GFRA2: variants seen among roughly 807,000 people sequenced by gnomAD.
The protein encoded by GFRA2 is GDNF family receptor alpha-2.
In GFRA2, 17 loss-of-function variants were observed where a neutral mutation model predicts 48.3. The ratio of observed to expected loss-of-function variants is 0.35; its 90% CI spans 0.24 to 0.53. The LOEUF (loss-of-function observed/expected upper bound fraction) is 0.53, where lower values mean the gene tolerates loss of function less well. Among genes scored for constraint, GFRA2 ranks in the 20% least tolerant of loss-of-function variants. GFRA2 has a pLI of 0.93. For synonymous variants in GFRA2, 305 were observed against 257.2 expected (o/e 1.19, Z -1.78); for missense variants, 660 against 637.3 (o/e 1.04, Z -0.38).
At chr8:21,742,861 T>C (rs893214707) in intron 4 of GFRA2, among the ~76,000 whole-genome samples, 14 of 152,170 alleles carry the variant, frequency 9.2e-5, no homozygotes, top group African/African-American at 3.1e-4. Flanking sequence ...CCACCTGGGG[T>C]GTGAGCCTCT....
At chr8:21,701,170 G>A (rs2117348045) in intron 7 of GFRA2, among the ~76,000 whole-genome samples, 1 of 152,322 alleles carries the variant, frequency 6.6e-6, no homozygotes, top group African/African-American at 2.4e-5. Context: ...CGAGGCGGGT[G>A]GATCACAAGC....
At chr8:21,726,862 C>T (rs1339541809) in intron 4 of GFRA2, among the ~76,000 whole-genome samples, 1 of 151,288 alleles carries the variant, frequency 6.6e-6, no homozygotes, top group Non-Finnish European at 1.5e-5. Context: ...AAGCAATTCT[C>T]CTGCCTCAGC....
intron 2 of GFRA2, among the ~76,000 whole-genome samples, chr8:21,804,366 T>A (rs929819935): frequency 6.6e-6 from 1 of 151,748 alleles, no homozygotes. Context: ...AATAGAAATA[T>A]CTATTATCTA....
At chr8:21,694,576 G>C in intron 7 of GFRA2, 59 bp from the exon 8 acceptor site, 1 of 1,530,140 alleles carries the variant, frequency 6.5e-7, no homozygotes, top group African/African-American at 1.4e-5. Context: ...GCTGGGCTTT[G>C]TCCAGAGACT....
chr8:21,701,902 T>G, intron 7 of GFRA2, among the ~76,000 whole-genome samples: 1 of 152,132 alleles, frequency 6.6e-6, no homozygotes, highest in East Asian at 1.9e-4. Flanking sequence ...TTGGACCTTA[T>G]GACCACAAGG....
intron 7 of GFRA2, among the ~76,000 whole-genome samples, chr8:21,699,193 A>G (rs1419167763): frequency 6.6e-6 from 1 of 152,208 alleles, no homozygotes; most frequent in African/African-American, 2.4e-5. Context: ...GAATGAATGC[A>G]CTGACCGGTC....
At chr8:21,791,875 G>A (rs1015557743), upstream of GFRA2, among the ~76,000 whole-genome samples, 115 of 152,342 alleles carry the variant, frequency 7.5e-4, 1 homozygote, top group African/African-American at 2.5e-3. Context: ...AGCAGCTGTC[G>A]TAAGAGGTAG....
At position 21,782,732 on chromosome 8, in the gene GFRA2, T is replaced by C; in HGVS notation, c.208A>G (p.Asn70Asp). Residue 70 changes from asparagine to aspartate, a missense_variant, in exon 2 of 9, where the codon AAC (asparagine) becomes GAC (aspartate). Coordinates refer to ENST00000524240, the MANE Select transcript of GFRA2 (RefSeq NM_001495.5). ...CACTCCTTGTTGGCCAGCATGGTGT[T>C]GCGGTCGCGGCCTGCCAGGCACTGC... is the stretch of plus-strand genomic sequence containing the variant. ...LRQCLAGRDR[N>D]TMLANKECQA... The C allele has an allele frequency of 6.3e-7, 1 of 1,597,676 alleles. No homozygotes were observed. The highest frequency in any genetic ancestry group is 8.5e-7 in the Non-Finnish European group (1 of 1,172,888).
chr8:21,695,125 G>A (rs140178973), intron 7 of GFRA2, among the ~76,000 whole-genome samples: 24 of 152,316 alleles, frequency 1.6e-4, no homozygotes, highest in East Asian at 3.9e-4. Context: ...TGTCCTACAC[G>A]GATGTGCACA....
At chr8:21,765,605 C>G (rs1212515950) in intron 3 of GFRA2, among the ~76,000 whole-genome samples, 2 of 152,040 alleles carry the variant, frequency 1.3e-5, no homozygotes, top group East Asian at 3.9e-4. Context: ...TAAACACTGT[C>G]TATATGCTAA....
In GFRA2 at chr8:21,751,729, T is replaced by G. The variant is rs767085020; in HGVS notation, c.440-787A>C. On this transcript the variant is annotated intron_variant, in intron 3 of 8. Coordinates refer to ENST00000524240, the MANE Select transcript of GFRA2 (RefSeq NM_001495.5). ...GGTAGGCTGAGGTCACACGTCCCTCTCACGTGGGCCAGGTGACTGACTGAC... is the reference window on the plus strand; with the variant it reads ...GGTAGGCTGAGGTCACACGTCCCTCGCACGTGGGCCAGGTGACTGACTGAC... Among the ~76,000 whole-genome samples, 21 of 152,184 alleles carry G rather than the reference T, an allele frequency of 1.4e-4. 2 individuals carry two copies. The highest frequency in any genetic ancestry group is 8.3e-4 in the South Asian group (4 of 4,828).
chr8:21,782,537 T>TGCCTGCGCCACACCCCCTCCCC, intron 2 of GFRA2, 48 bp downstream of exon 2: 1 of 1,418,724 alleles, frequency 7.0e-7, no homozygotes, highest in Non-Finnish European at 9.6e-7. Context: ...ACGTCCTCTC[T>TGCCTGCGCCACACCCCCTCCCC]GCCTGCGCCA....
At chr8:21,768,082 G>A (rs1806268186) in intron 3 of GFRA2, among the ~76,000 whole-genome samples, 1 of 152,072 alleles carries the variant, frequency 6.6e-6, no homozygotes, top group Non-Finnish European at 1.5e-5. Context: ...AGAGTCACTG[G>A]GTCACCTCTC....
At chr8:21,748,572 A>C (rs1333746290) in intron 4 of GFRA2, among the ~76,000 whole-genome samples, 2 of 152,126 alleles carry the variant, frequency 1.3e-5, no homozygotes, top group Admixed American at 1.3e-4. Flanking sequence ...AGCACTCAAT[A>C]ATACTGGAAA....
intron 7 of GFRA2, among the ~76,000 whole-genome samples, chr8:21,699,912 C>T (rs114024928): frequency 1.6e-3 from 248 of 152,306 alleles, no homozygotes; most frequent in African/African-American, 5.7e-3. Context: ...GGTGAGATGC[C>T]ACTATGGCCT....
intron 7 of GFRA2, among the ~76,000 whole-genome samples, chr8:21,698,988 C>T (rs1246212083): frequency 3.3e-5 from 5 of 152,216 alleles, no homozygotes; most frequent in African/African-American, 1.2e-4. Flanking sequence ...AACGCACTCT[C>T]TCCCTCTTCT....
At chr8:21,702,519 A>G (rs1173190079) in intron 7 of GFRA2, among the ~76,000 whole-genome samples, 1 of 152,138 alleles carries the variant, frequency 6.6e-6, no homozygotes, top group Non-Finnish European at 1.5e-5. Context: ...CACAGCCAGG[A>G]CTTGTTCCCC....
intron 3 of GFRA2, among the ~76,000 whole-genome samples, chr8:21,761,977 T>C (rs1232989087): frequency 6.6e-6 from 1 of 152,008 alleles, no homozygotes; most frequent in Non-Finnish European, 1.5e-5. Context: ...TTAAAAAAAG[T>C]GTCCCCTGGC....
intron 2 of GFRA2, among the ~76,000 whole-genome samples, chr8:21,796,769 G>C (rs111659175): frequency 1.3e-5 from 2 of 152,168 alleles, no homozygotes; most frequent in Non-Finnish European, 2.9e-5. Context: ...AGGAAACCCT[G>C]GGTGGCAGAG....
Sources: allele counts gnomAD v4.1 joint callset (sites outside exome capture counted in the v4.1 genomes callset), GRCh38; gene constraint gnomAD v4.1.1; transcripts MANE v1.5; gene names NCBI Gene and HGNC (gene_info 2026-07-23, HGNC 2026-07-21).